MCUB: variants seen among roughly 807,000 people sequenced by gnomAD.
MCUB encodes the protein mitochondrial calcium uniporter dominant negative subunit beta.
In MCUB, 46 loss-of-function variants were observed where a neutral mutation model predicts 41.4. The observed-to-expected ratio is 1.11, with a 90% confidence interval of 0.88 to 1.42. The LOEUF is 1.42. MCUB is among the 40% of genes most tolerant of loss of function. The pLI is 0.00. For synonymous variants in MCUB, 148 were observed against 148.2 expected (o/e 1.00, Z 0.01); for missense variants, 403 against 404.9 (o/e 1.00, Z 0.04).
At position 109,684,639 on chromosome 4, in the gene MCUB, C is replaced by T. The variant is rs769002729; in HGVS notation, c.809C>T (p.Thr270Ile). 2 of 1,433,684 alleles carry T rather than the reference C, an allele frequency of 1.4e-6. No homozygotes were observed. The highest frequency in any genetic ancestry group is 2.0e-6 in the Non-Finnish European group (2 of 1,018,486). The allele number at this position is 1,433,684 out of a possible 1,614,324, so 88.8% of individuals were successfully genotyped here. A position where few individuals can be genotyped will look rare whatever the true frequency, so the allele number is the denominator to read the frequency against. The change falls in exon 6 of 8, where the codon ACT (threonine) becomes ATT (isoleucine). Residue 270 changes from threonine to isoleucine, a missense_variant. Thr to Ile is a moderately conservative substitution (Grantham distance 89, BLOSUM62 -1). Transcript: ENST00000394650. ...GTCTTTTTTGCATACTTTATAGTCACTCGACAGGTGAGTAGTTTGTTAGGA... is the reference window on the plus strand; with the variant it reads ...GTCTTTTTTGCATACTTTATAGTCATTCGACAGGTGAGTAGTTTGTTAGGA... The part of the protein sequence containing the change: ...SMVFFAYFIV[T>I]RQDYTYSAVK...
intron 1 of MCUB, among the ~76,000 whole-genome samples, chr4:109,639,933 G>T (rs549698525): frequency 5.3e-5 from 8 of 152,300 alleles, no homozygotes; most frequent in African/African-American, 1.7e-4. Context: ...TTGAAGTCAG[G>T]TGTCACGTGC....
At chr4:109,687,374 A>T in intron 7 of MCUB, 141 bp from the exon 8 acceptor site, 1 of 585,530 alleles carries the variant, frequency 1.7e-6, no homozygotes, top group Non-Finnish European at 3.0e-6. Flanking sequence ...AAATATATAT[A>T]TATTTCAGCC....
intron 1 of MCUB, among the ~76,000 whole-genome samples, chr4:109,596,722 CTTCTTTT>C (rs1183242722): frequency 1.8e-5 from 2 of 109,220 alleles, no homozygotes; most frequent in East Asian, 4.9e-4. Context: ...TCTTCTTAAA[CTTCTTTT>C]TTTTTTTTTT....
At chr4:109,598,237 G>C (rs975754069) in intron 1 of MCUB, among the ~76,000 whole-genome samples, 4 of 151,296 alleles carry the variant, frequency 2.6e-5, no homozygotes, top group Non-Finnish European at 5.9e-5. Context: ...GGGAGGCCAA[G>C]GCAGGCGGCT....
chr4:109,641,275 T>C (rs1159319934), intron 1 of MCUB, among the ~76,000 whole-genome samples: 3 of 151,448 alleles, frequency 2.0e-5, no homozygotes, highest in African/African-American at 7.3e-5. Context: ...GTATTTTTTT[T>C]TTTTTTTTTT....
At chr4:109,662,005 C>G (rs1005833443) in intron 3 of MCUB, among the ~76,000 whole-genome samples, 6 of 152,094 alleles carry the variant, frequency 3.9e-5, no homozygotes, top group Non-Finnish European at 7.4e-5. Flanking sequence ...TGCACTCCAG[C>G]CTGAGTGATA....
At chr4:109,646,204 A>G (rs1470148811) in intron 1 of MCUB, among the ~76,000 whole-genome samples, 1 of 152,120 alleles carries the variant, frequency 6.6e-6, no homozygotes, top group East Asian at 1.9e-4. Flanking sequence ...AGAATATCCA[A>G]ATACTTGACT....
At chr4:109,632,020 T>C (rs935562640) in intron 1 of MCUB, among the ~76,000 whole-genome samples, 1 of 152,240 alleles carries the variant, frequency 6.6e-6, no homozygotes, top group South Asian at 2.1e-4. Flanking sequence ...TGTGTATTTC[T>C]CATGTAGCCA....
intron 1 of MCUB, among the ~76,000 whole-genome samples, chr4:109,566,685 C>T (rs970294333): frequency 4.6e-5 from 7 of 151,982 alleles, no homozygotes; most frequent in Non-Finnish European, 8.8e-5. Context: ...CTTTTAAGAC[C>T]AATTAGACGA....
intron 4 of MCUB, among the ~76,000 whole-genome samples, chr4:109,677,337 A>T (rs1418600934): frequency 6.6e-6 from 1 of 152,170 alleles, no homozygotes; most frequent in Non-Finnish European, 1.5e-5. Context: ...TTCAGGATGA[A>T]TCATGCCTAG....
At chr4:109,563,528 A>G (rs1467288925) in intron 1 of MCUB, among the ~76,000 whole-genome samples, 4 of 152,192 alleles carry the variant, frequency 2.6e-5, no homozygotes, top group Admixed American at 1.3e-4. Flanking sequence ...GAGGAGAGCA[A>G]TTGGTTAAGT....
intron 1 of MCUB, among the ~76,000 whole-genome samples, chr4:109,580,250 G>A (rs1051849819): frequency 4.6e-5 from 7 of 152,144 alleles, no homozygotes; most frequent in African/African-American, 1.7e-4. Flanking sequence ...TGGTGTATAT[G>A]TGCCACATTT....
At position 109,659,057 on chromosome 4, in the gene MCUB, A is replaced by G; in HGVS notation, c.146A>G (p.His49Arg). ...LCGNVKYYQSHHYSTVVPPDE... is the reference protein window; with the variant it reads ...LCGNVKYYQSRHYSTVVPPDE... ...GGAAATGTGAAATACTACCAGTCAC[A>G]CCATTATAGTACCGTGGTGCCACCT... is the stretch of plus-strand genomic sequence containing the variant. The change falls in exon 2 of 8, where the codon CAC (histidine) becomes CGC (arginine). Residue 49 changes from histidine to arginine, a missense_variant. Physicochemically the swap from His to Arg is conservative, Grantham distance 29 (BLOSUM62 0). Coordinates refer to ENST00000394650, the MANE Select transcript of MCUB (RefSeq NM_017918.5). 1 of 1,537,720 alleles carries G rather than the reference A, an allele frequency of 6.5e-7. No homozygotes were observed.
At chr4:109,662,048 C>T (rs1246545121) in intron 3 of MCUB, among the ~76,000 whole-genome samples, 1 of 152,130 alleles carries the variant, frequency 6.6e-6, no homozygotes, top group Non-Finnish European at 1.5e-5. Flanking sequence ...GAGCCTACTA[C>T]ACAGTGACCG....
At chr4:109,566,343 G>C (rs940045630) in intron 1 of MCUB, among the ~76,000 whole-genome samples, 2 of 151,330 alleles carry the variant, frequency 1.3e-5, no homozygotes, top group African/African-American at 4.8e-5. Context: ...GGTGGCGGGC[G>C]CCTGTAGTCC....
intron 4 of MCUB, among the ~76,000 whole-genome samples, chr4:109,664,913 T>G (rs1170263914): frequency 6.6e-6 from 1 of 150,790 alleles, no homozygotes; most frequent in Non-Finnish European, 1.5e-5. Context: ...AGAATTCAAG[T>G]ATACATGATT....
At chr4:109,620,433 C>T (rs1040749437) in intron 1 of MCUB, among the ~76,000 whole-genome samples, 2 of 149,362 alleles carry the variant, frequency 1.3e-5, no homozygotes, top group Non-Finnish European at 1.5e-5. Context: ...TTTTAGTTGC[C>T]CCTCCCTTGA....
intron 1 of MCUB, among the ~76,000 whole-genome samples, chr4:109,637,488 G>C (rs1474586504): frequency 6.6e-6 from 1 of 152,146 alleles, no homozygotes; most frequent in Non-Finnish European, 1.5e-5. Flanking sequence ...CAAAACTATG[G>C]AACCAGCCCA....
rs188143403 is a variant in MCUB at position 109,607,622 on chromosome 4, C to T, written c.99+47186C>T. On this transcript the variant is annotated intron_variant, in intron 1 of 7. Transcript: ENST00000394650. ...TGTTTGTCTGGGAAAGTCTTTATTT[C>T]TCCTTCATGTTTAAAGGATATTTTC... is the stretch of plus-strand genomic sequence containing the variant. 3.6e-3 allele frequency among the ~76,000 whole-genome samples: 551 copies of T among 152,306 alleles called. 5 individuals are homozygous for T. The highest frequency in any genetic ancestry group is 0.013 in the African/African-American group (539 of 41,580).
Sources: gnomAD v4.1 joint callset for allele counts (sites outside exome capture counted in the v4.1 genomes callset) on GRCh38, gnomAD v4.1.1 for gene constraint, MANE v1.5 for transcripts, NCBI Gene and HGNC (gene_info 2026-07-23, HGNC 2026-07-21) for gene names.